Variants in CPLANE1 observed in about 807,000 individuals in gnomAD.
CPLANE1 encodes ciliogenesis and planar polarity effector complex subunit 1.
A neutral mutation model predicts 362.5 loss-of-function variants in CPLANE1; 263 were observed. That is an observed-to-expected ratio of 0.73 (90% CI 0.66 to 0.80). The LOEUF (loss-of-function observed/expected upper bound fraction) is 0.80. Ranked by LOEUF, CPLANE1 falls within the 30% of genes least tolerant of loss-of-function variation. CPLANE1 has a pLI of 0.00. For synonymous variants in CPLANE1, 1,212 were observed against 1,302.6 expected, an observed-to-expected ratio of 0.93 and a Z score of 1.50; for missense variants, 3,461 against 3,793.4, an observed-to-expected ratio of 0.91 and a Z score of 2.30.
chr5:37,178,433 AC>A (rs1198665599), intron 29 of CPLANE1, among the ~76,000 whole-genome samples: 1 of 152,004 alleles, frequency 6.6e-6, no homozygotes, highest in African/African-American at 2.4e-5. Context: ...CCCAGTCTCT[AC>A]AAAAAAATGT....
In CPLANE1 at chr5:37,241,135, C is replaced by CA. The variant is rs113875009; in HGVS notation, c.678-1267dup. The stretch of plus-strand genomic sequence containing the variant: ...TGGGCAACAGAGTGAGACTCTGTCT[C>CA]AAAAAAAAAATAAAATAAAAAATAA... On this transcript the variant is annotated intron_variant, in intron 6 of 52. Coordinates refer to ENST00000651892, the MANE Select transcript of CPLANE1 (RefSeq NM_001384732.1). 9.0e-3 allele frequency among the ~76,000 whole-genome samples: 1,308 copies of CA among 145,202 alleles called. 21 individuals carry two copies. The highest frequency in any genetic ancestry group is 0.031 in the African/African-American group (1,217 of 39,440).
chr5:37,118,718 C>CTTTT (rs34865341), intron 50 of CPLANE1, among the ~76,000 whole-genome samples: 3 of 142,558 alleles, frequency 2.1e-5, no homozygotes, highest in African/African-American at 7.8e-5. Context: ...TGTTATTTTA[C>CTTTT]TTTTTTTTTT....
intron 46 of CPLANE1, among the ~76,000 whole-genome samples, chr5:37,134,815 G>C (rs1337963945): frequency 7.3e-6 from 1 of 136,492 alleles, no homozygotes; most frequent in East Asian, 2.1e-4. Flanking sequence ...TTTTTTTTGA[G>C]AAAGTTTTGC....
At chr5:37,234,210 C>G (rs1235793606) in intron 8 of CPLANE1, among the ~76,000 whole-genome samples, 1 of 151,928 alleles carries the variant, frequency 6.6e-6, no homozygotes, top group East Asian at 1.9e-4. Flanking sequence ...CAAAGGACCA[C>G]AAAAATTGTC....
chr5:37,219,993 C>T (rs1795004989), intron 15 of CPLANE1, among the ~76,000 whole-genome samples: 1 of 152,108 alleles, frequency 6.6e-6, no homozygotes, highest in Non-Finnish European at 1.5e-5. Flanking sequence ...TGGCTCACAC[C>T]TATAATCCCA....
At chr5:37,110,443 C>T (rs978386728) in intron 51 of CPLANE1, among the ~76,000 whole-genome samples, 8 of 152,156 alleles carry the variant, frequency 5.3e-5, no homozygotes, top group Non-Finnish European at 8.8e-5. Flanking sequence ...TCCAACATCA[C>T]CTTCTCTTTT....
chr5:37,210,185 C>T, intron 16 of CPLANE1: 9 of 1,402,322 alleles, frequency 6.4e-6, no homozygotes, highest in Middle Eastern at 1.8e-4. Context: ...TTCAAAAGCA[C>T]CAAGAGATTG....
chr5:37,161,686 T>C (rs958799036), intron 38 of CPLANE1, among the ~76,000 whole-genome samples: 1 of 152,178 alleles, frequency 6.6e-6, no homozygotes, highest in Non-Finnish European at 1.5e-5. Flanking sequence ...AGAGTTTAGA[T>C]AGTAAGGGAG....
chr5:37,239,771 G>A lies in CPLANE1; in HGVS notation c.776C>T (p.Ser259Phe), dbSNP rs1799918616. 6.5e-7 allele frequency: 1 copy of A among 1,546,496 alleles called. No homozygotes were observed. Among genetic ancestry groups the A allele is most frequent in the Admixed American group, 2.0e-5 (1 of 50,830 alleles). ...ESVKSRGALISAFSRDGLTLA... is the reference protein window; with the variant it reads ...ESVKSRGALIFAFSRDGLTLA... ...GGTAAGGCCATCTCTTGAAAAGGCA[G>A]AAATTAGAGCTCCTCTTGACTTTAC... The change falls in exon 7 of 53, where the codon TCT (serine) becomes TTT (phenylalanine). Residue 259 changes from serine to phenylalanine, a missense_variant. This residue lies in a region of CPLANE1 where 3,380 missense variants were observed against 3,666.1 expected (regional missense o/e 0.92). Transcript: ENST00000651892.
Position 37,227,142 on chromosome 5 carries a change from G to A in CPLANE1, c.1522-69C>T, listed in dbSNP as rs541136877. 154 of 1,501,622 alleles carry A rather than the reference G, an allele frequency of 1.0e-4. 1 individual carries two copies. In the South Asian group the frequency reaches 1.6e-3, roughly 16 times the overall value. 93.0% of individuals were successfully genotyped at this position (1,501,622 alleles called of 1,614,324 possible). On this transcript the variant is annotated intron_variant, in intron 11 of 52. Coordinates refer to ENST00000651892, the MANE Select transcript of CPLANE1 (RefSeq NM_001384732.1). ...ACCTTATCAATAGCATCACTTTGGC[G>A]TTCTTAAATTTCTCTTCCCTTTAAC...
At chr5:37,113,628 C>T (rs1242247256) in intron 51 of CPLANE1, among the ~76,000 whole-genome samples, 4 of 151,992 alleles carry the variant, frequency 2.6e-5, no homozygotes, top group South Asian at 4.2e-4. Context: ...CCGCCATAGA[C>T]ATTAAAAAGT....
chr5:37,161,069 T>C (rs778551437), intron 38 of CPLANE1, among the ~76,000 whole-genome samples: 2 of 152,216 alleles, frequency 1.3e-5, no homozygotes, highest in Admixed American at 6.5e-5. Context: ...AAGATACTCA[T>C]TGAAGCATAA....
Position 37,108,430 on chromosome 5 carries a change from G to A in CPLANE1, c.9442C>T (p.His3148Tyr), listed in dbSNP as rs760642862. The A allele has an allele frequency of 6.2e-7, 1 of 1,614,082 alleles. No homozygotes were observed. Among genetic ancestry groups the A allele is most frequent in the Non-Finnish European group, 8.5e-7 (1 of 1,180,004 alleles). ...TGAGGTGCAAGCCCAGCACTTCCATGTTTTTTTGTATGCTGCAGACTATGA... is the reference window on the plus strand; with the variant it reads ...TGAGGTGCAAGCCCAGCACTTCCATATTTTTTTGTATGCTGCAGACTATGA... ...PCHSLQHTKK[H>Y]GSAGLAPQTK... Residue 3148 changes from histidine (H) to tyrosine (Y), a missense_variant, in exon 52 of 53, where the codon CAT (histidine) becomes TAT (tyrosine). His to Tyr is a moderately conservative substitution (Grantham distance 83, BLOSUM62 2). This residue lies in a region of CPLANE1 where 3,380 missense variants were observed against 3,666.1 expected (regional missense o/e 0.92). Coordinates refer to ENST00000651892, the MANE Select transcript of CPLANE1 (RefSeq NM_001384732.1).
At chr5:37,238,713 G>A (rs1799616542) in intron 8 of CPLANE1, 144 bp downstream of exon 8, 2 of 436,458 alleles carry the variant, frequency 4.6e-6, no homozygotes, top group Admixed American at 4.1e-5. Flanking sequence ...TGCCCAAGCT[G>A]GTCTCAAACT....
At chr5:37,196,112 C>T (rs1580637111) in intron 20 of CPLANE1, 116 bp from the exon 21 acceptor site, 2 of 654,380 alleles carry the variant, frequency 3.1e-6, no homozygotes, top group Middle Eastern at 4.0e-4. Context: ...AAACACAGCA[C>T]ATGAAATCAG....
At chr5:37,202,339 G>C (rs1462809649) in intron 18 of CPLANE1, among the ~76,000 whole-genome samples, 2 of 151,988 alleles carry the variant, frequency 1.3e-5, no homozygotes, top group Non-Finnish European at 1.5e-5. Context: ...TGTATTTTTA[G>C]TAGAGATGAG....
intron 46 of CPLANE1, among the ~76,000 whole-genome samples, chr5:37,131,822 G>A (rs1054330318): frequency 4.6e-5 from 7 of 151,770 alleles, no homozygotes; most frequent in South Asian, 2.1e-4. Flanking sequence ...GAGCCACCGC[G>A]CCAGGCCAAA....
intron 43 of CPLANE1, among the ~76,000 whole-genome samples, chr5:37,144,282 G>T (rs1380338995): frequency 6.6e-6 from 1 of 151,354 alleles, no homozygotes; most frequent in Non-Finnish European, 1.5e-5. Context: ...GGTGGCAGGT[G>T]CCTGTAGTCC....
downstream of CPLANE1, among the ~76,000 whole-genome samples, chr5:37,103,659 G>A (rs1579714002): frequency 6.6e-6 from 1 of 152,136 alleles, no homozygotes; most frequent in East Asian, 1.9e-4. Flanking sequence ...ATTCTGGGTT[G>A]TTAATTCTTT....
Sources: allele counts gnomAD v4.1 joint callset (sites outside exome capture counted in the v4.1 genomes callset), GRCh38; gene constraint gnomAD v4.1.1; regional missense constraint gnomAD v4.1.1; transcripts MANE v1.5; gene names NCBI Gene and HGNC (gene_info 2026-07-23, HGNC 2026-07-21).